The following SHANK1 variants were observed in gnomAD, a reference collection of about 807,000 sequenced individuals.
SHANK1 encodes SH3 and multiple ankyrin repeat domains protein 1.
SHANK1 carries 35 observed loss-of-function variants against 165.6 expected under a neutral mutation model. The ratio of observed to expected loss-of-function variants is 0.21; its 90% confidence interval spans 0.16 to 0.28. The LOEUF (loss-of-function observed/expected upper bound fraction) is 0.28, where lower values mean the gene tolerates loss of function less well. SHANK1 is among the 10% of genes least tolerant of loss of function. SHANK1 has a pLI of 1.00. For synonymous variants in SHANK1, 1,428 were observed against 1,384.8 expected (o/e 1.03, Z -0.69); for missense variants, 2,681 against 3,036.4 (o/e 0.88, Z 2.75).
In SHANK1 at chr19:50,662,621, A is replaced by G. The variant is rs201299941; in HGVS notation, c.5830T>C (p.Trp1944Arg). Residue 1944 changes from tryptophan (W) to arginine (R), a missense_variant, in exon 24 of 24, where the codon TGG becomes CGG. Trp to Arg is a moderately radical substitution (Grantham distance 101, BLOSUM62 -3). This residue lies in a region of SHANK1 where 1,713 missense variants were observed against 1,630.2 expected (regional missense o/e 1.05). Coordinates refer to ENST00000293441, the MANE Select transcript of SHANK1 (RefSeq NM_016148.5). This position sits in a 1 kb window ranked among gnomAD's most constrained non-coding sequence, Gnocchi z 7.7. Reference sequence around the variant, plus strand: ...AGTGGCGGCAGAGGTGGTTTGGGCCAGTTCTGAAACAGGCTGCTGACAGGC... The same window carrying G: ...AGTGGCGGCAGAGGTGGTTTGGGCCGGTTCTGAAACAGGCTGCTGACAGGC... The part of the protein sequence containing the change: ...SKPVSSLFQN[W>R]PKPPLPPLPT... 3.7e-4 allele frequency: 575 copies of G among 1,564,226 alleles called. No individual in the cohort carries two copies. The highest frequency in any genetic ancestry group is 4.6e-4 in the Non-Finnish European group (536 of 1,154,440).
chr19:50,683,515 C>T (rs547126568), intron 21 of SHANK1, among the ~76,000 whole-genome samples: 53 of 152,254 alleles, frequency 3.5e-4, no homozygotes, highest in East Asian at 1.3e-3. Flanking sequence ...CTCTAACATA[C>T]GTATTTTCTC....
intron 8 of SHANK1, among the ~76,000 whole-genome samples, chr19:50,710,137 G>GGATTGGA (rs1361618139): frequency 6.6e-6 from 1 of 152,190 alleles, no homozygotes; most frequent in Non-Finnish European, 1.5e-5. Context: ...AGCTGCACGA[G>GGATTGGA]GGCCTGGGAG....
At chr19:50,677,128 T>C (rs116705425) in intron 21 of SHANK1, among the ~76,000 whole-genome samples, 2,255 of 46,118 alleles carry the variant, frequency 0.049, 59 homozygotes, top group African/African-American at 0.14. Flanking sequence ...TATCTCATAC[T>C]TTTTTTTTTT....
rs1432203458 is a variant in SHANK1, at chr19:50,668,603, C to A, written c.3357G>T (p.Glu1119Asp). Residue 1119 changes from glutamate to aspartate, a missense_variant, in exon 23 of 24, where the codon GAG becomes GAT. Physicochemically the swap from Glu to Asp is conservative, Grantham distance 45 (BLOSUM62 2). Around this residue, in one of 10 missense-constraint regions of SHANK1, gnomAD observed 1,713 missense variants for 1,630.2 expected, o/e 1.05. Transcript: ENST00000293441. Reference protein sequence around the residue: ...PLVKQTKVEGEPQKGGGLPPA... With the variant: ...PLVKQTKVEGDPQKGGGLPPA... ...GCGGGAGGCCGCCGCCCTTCTGGGG[C>A]TCGCCTTCCACCTTGGTCTGCTTGA... 1 of 1,370,776 alleles carries A rather than the reference C, an allele frequency of 7.3e-7. No homozygotes were observed. 84.9% of individuals were successfully genotyped at this position (1,370,776 alleles called of 1,614,324 possible).
At position 50,666,430 on chromosome 19, in the gene SHANK1, G is replaced by T; in HGVS notation, c.5530C>A (p.Pro1844Thr). ...PRKLLPWEEG[P>T]GPPPPPLPGP... ...GGCAGAGGTGGTGGCGGTGGGCCCG[G>T]GCCCTCCTCCCAGGGCAGCAGCTTC... Residue 1844 changes from proline to threonine, a missense_variant, in exon 23 of 24, where the codon CCG becomes ACG. Pro to Thr is a conservative substitution (Grantham distance 38). Transcript: ENST00000293441. The T allele has an allele frequency of 6.2e-7, 1 of 1,610,672 alleles. No homozygotes were observed. The highest frequency in any genetic ancestry group is 8.5e-7 in the Non-Finnish European group (1 of 1,179,064).
chr19:50,687,868 C>T (rs1051398078), intron 18 of SHANK1, 55 bp downstream of exon 18: 18 of 1,608,386 alleles, frequency 1.1e-5, no homozygotes, highest in African/African-American at 4.0e-5. Flanking sequence ...CTGGGGCTCC[C>T]GCAGGGCTGA....
rs1433870118 is a variant in SHANK1 at position 50,662,856 on chromosome 19, C to A, written c.5769-174G>T. The stretch of plus-strand genomic sequence containing the variant: ...AGGGAGCAAGGGGTAAGACGGCCGG[C>A]CGTCGAGGAAAGAAATGAAGGGAGA... On this transcript the variant is annotated intron_variant, in intron 23 of 23. Transcript: ENST00000293441. The surrounding 1 kb of genome is among the most constrained non-coding windows in gnomAD (Gnocchi z 7.7). Among the ~76,000 whole-genome samples the A allele has an allele frequency of 6.6e-6, 1 of 151,310 alleles. No homozygotes were observed. The highest frequency in any genetic ancestry group is 1.5e-5 in the Non-Finnish European group (1 of 67,856).
In SHANK1 at chr19:50,711,157, T is replaced by C. The variant is rs113121601; in HGVS notation, c.1077+214A>G. 1.5e-3 allele frequency: 869 copies of C among 565,478 alleles called. 8 individuals carry two copies. The highest frequency in any genetic ancestry group is 0.015 in the African/African-American group (782 of 53,144). 35.0% of individuals were successfully genotyped at this position (565,478 alleles called of 1,614,324 possible). ...CCCCAGCACCCAGCTCCAGGCCTGA[T>C]ACAGAGGAGCTCAGTAAATATCTGT... On this transcript the variant is annotated intron_variant, in intron 8 of 23. Coordinates refer to ENST00000293441, the MANE Select transcript of SHANK1 (RefSeq NM_016148.5).
rs572212316 is a variant in SHANK1 at position 50,690,864 on chromosome 19, C to A, written c.1965-1585G>T. 6.6e-6 allele frequency among the ~76,000 whole-genome samples: 1 copy of A among 152,204 alleles called. No individual in the cohort carries two copies. Among genetic ancestry groups the A allele is most frequent in the South Asian group, 2.1e-4 (1 of 4,812 alleles). ...TGTGCTCCACTGTATTTAGGTACCA[C>A]CCCCACAAGCACCCCTGTATGCTCC... On this transcript the variant is annotated intron_variant, in intron 15 of 23. Coordinates refer to ENST00000293441, the MANE Select transcript of SHANK1 (RefSeq NM_016148.5). This position sits in a 1 kb window ranked among gnomAD's most constrained non-coding sequence, Gnocchi z 4.9.
rs1253787509 is a variant in SHANK1 at position 50,662,638 on chromosome 19, C to G, written c.5813G>C (p.Ser1938Thr). The G allele has an allele frequency of 6.4e-7, 1 of 1,565,558 alleles. No homozygotes were observed. The highest frequency in any genetic ancestry group is 1.4e-5 in the African/African-American group (1 of 73,190). Residue 1938 changes from serine (S) to threonine (T), a missense_variant, in exon 24 of 24, where the codon AGC (serine) becomes ACC (threonine). Physicochemically the swap from Ser to Thr is moderately conservative, Grantham distance 58. This residue lies in a region of SHANK1 where 1,713 missense variants were observed against 1,630.2 expected (regional missense o/e 1.05). Transcript: ENST00000293441. This position sits in a 1 kb window ranked among gnomAD's most constrained non-coding sequence, Gnocchi z 7.7. ...SQSSLLSKPV[S>T]SLFQNWPKPP... ...TTTGGGCCAGTTCTGAAACAGGCTGCTGACAGGCTTGGAGAGGAGTGAGGA... is the reference window on the plus strand; with the variant it reads ...TTTGGGCCAGTTCTGAAACAGGCTGGTGACAGGCTTGGAGAGGAGTGAGGA...
intron 8 of SHANK1, among the ~76,000 whole-genome samples, chr19:50,709,365 T>A (rs1449051775): frequency 6.6e-6 from 1 of 151,960 alleles, no homozygotes; most frequent in Admixed American, 6.6e-5. Flanking sequence ...ATGGTCTCAA[T>A]CTCCTGACCT....
chr19:50,659,260 G>T lies in SHANK1; in HGVS notation c.*2705C>A. ...AGGAAGGAGGCGGGGCCGGCTCGAG[G>T]GGGTGGATACTGTGAGTTTAATTAT... On this transcript the variant is annotated 3_prime_UTR_variant, in exon 24 of 24. Transcript: ENST00000293441. 1 of 808,052 alleles carries T rather than the reference G, an allele frequency of 1.2e-6. No individual in the cohort carries two copies. 50.1% of individuals were successfully genotyped at this position (808,052 alleles called of 1,614,324 possible). A position where few individuals can be genotyped will look rare whatever the true frequency, so the allele number is the denominator to read the frequency against.
chr19:50,678,073 C>T (rs1231612839), intron 21 of SHANK1, among the ~76,000 whole-genome samples: 1 of 152,158 alleles, frequency 6.6e-6, no homozygotes, highest in African/African-American at 2.4e-5. Context: ...CGTATGTGTC[C>T]TCACTGGATC....
At chr19:50,715,852 G>T in intron 3 of SHANK1, 122 bp from the exon 4 acceptor site, 1 of 932,278 alleles carries the variant, frequency 1.1e-6, no homozygotes. Context: ...CTCAGGGTGG[G>T]AGTGAAAACA....
At chr19:50,666,095 G>C in intron 23 of SHANK1, 97 bp downstream of exon 23, 3 of 1,217,978 alleles carry the variant, frequency 2.5e-6, no homozygotes, top group South Asian at 3.4e-5. Flanking sequence ...TGCCAACCTG[G>C]TTTCTGTTTC....
At position 50,670,781 on chromosome 19, in the gene SHANK1, C is replaced by T. The variant is rs1985761749; in HGVS notation, c.2674+1237G>A. Among the ~76,000 whole-genome samples the T allele has an allele frequency of 6.6e-6, 1 of 152,064 alleles. No homozygotes were observed. The highest frequency in any genetic ancestry group is 6.6e-5 in the Admixed American group (1 of 15,260). On this transcript the variant is annotated intron_variant, in intron 22 of 23. Transcript: ENST00000293441. This position sits in a 1 kb window ranked among gnomAD's most constrained non-coding sequence, Gnocchi z 4.1. ...AGCCTCACGATTCCCCACTTCATCT[C>T]TAGGTGTTTTTTTTTCTTTTCTTTT...
In SHANK1 at chr19:50,660,742, C is replaced by A. The variant is rs1985174283; in HGVS notation, c.*1223G>T. Among the ~76,000 whole-genome samples, 1 of 126,254 alleles carries A rather than the reference C, an allele frequency of 7.9e-6. No homozygotes were observed. Among genetic ancestry groups the A allele is most frequent in the African/African-American group, 3.4e-5 (1 of 29,736 alleles). The allele number at this position is 126,254 out of a possible 152,430, so 82.8% of individuals were successfully genotyped here. A position where few individuals can be genotyped will look rare whatever the true frequency, so the allele number is the denominator to read the frequency against. On this transcript the variant is annotated 3_prime_UTR_variant, in exon 24 of 24. Coordinates refer to ENST00000293441, the MANE Select transcript of SHANK1 (RefSeq NM_016148.5). Reference sequence around the variant, plus strand: ...AATGCTGGGGGGGGGGGCGCGTGTGCAAAAGCAAGTGTGCAAGAGGGTTCA... The same window carrying A: ...AATGCTGGGGGGGGGGGCGCGTGTGAAAAAGCAAGTGTGCAAGAGGGTTCA...
At chr19:50,672,646 A>G (rs1371499194) in intron 21 of SHANK1, among the ~76,000 whole-genome samples, 1 of 151,914 alleles carries the variant, frequency 6.6e-6, no homozygotes, top group East Asian at 1.9e-4. Context: ...AAGGAGAAAG[A>G]AAGGAGAAGA....
In SHANK1 at chr19:50,661,606, G is replaced by A. The variant is rs1323020353; in HGVS notation, c.*359C>T. On this transcript the variant is annotated 3_prime_UTR_variant, in exon 24 of 24. Coordinates refer to ENST00000293441, the MANE Select transcript of SHANK1 (RefSeq NM_016148.5). The stretch of plus-strand genomic sequence containing the variant: ...GGCACCCCCTTCCCCTGCGGCCTGG[G>A]GGACAGTCCCCATCCAATCGGGCTC... Among the ~76,000 whole-genome samples, 1 of 151,976 alleles carries A rather than the reference G, an allele frequency of 6.6e-6. No individual in the cohort carries two copies. The highest frequency in any genetic ancestry group is 1.9e-4 in the East Asian group (1 of 5,172).
Sources: allele counts gnomAD v4.1 joint callset (sites outside exome capture counted in the v4.1 genomes callset), GRCh38; gene constraint gnomAD v4.1.1; regional missense constraint gnomAD v4.1.1; non-coding constraint Gnocchi (gnomAD v3.1); transcripts MANE v1.5; gene names NCBI Gene and HGNC (gene_info 2026-07-23, HGNC 2026-07-21).